The following GPC5 variants were observed in gnomAD, a reference collection of about 807,000 sequenced individuals.
The protein encoded by GPC5 is glypican 5.
GPC5 carries 47 observed loss-of-function variants against 53.9 expected under a neutral mutation model. The ratio of observed to expected loss-of-function variants is 0.87; its 90% CI spans 0.69 to 1.11. GPC5 has a LOEUF of 1.11. Ranked by LOEUF, GPC5 falls within the 50% of genes most tolerant of loss-of-function variation. The pLI, the probability that GPC5 is intolerant of heterozygous loss-of-function variation, is 0.00. For synonymous variants in GPC5, 286 were observed against 263.3 expected, an observed-to-expected ratio of 1.09 and a Z score of -0.84; for missense variants, 748 against 713.1, an observed-to-expected ratio of 1.05 and a Z score of -0.56.
At chr13:91,727,887 A>C (rs2036609003) in intron 3 of GPC5, among the ~76,000 whole-genome samples, 1 of 152,190 alleles carries the variant, frequency 6.6e-6, no homozygotes, top group African/African-American at 2.4e-5. Context: ...AATGATAATT[A>C]TGTAAATTAT....
chr13:92,098,308 G>T (rs2041437602), intron 6 of GPC5, among the ~76,000 whole-genome samples: 1 of 152,026 alleles, frequency 6.6e-6, no homozygotes, highest in East Asian at 1.9e-4. Context: ...ATGGCCTTCA[G>T]CTCCTTCCAT....
At chr13:91,617,242 C>G (rs2033721134) in intron 2 of GPC5, among the ~76,000 whole-genome samples, 2 of 152,044 alleles carry the variant, frequency 1.3e-5, no homozygotes, top group African/African-American at 4.8e-5. Context: ...CTCAATGTGG[C>G]TATGTATGAG....
chr13:91,964,228 G>C (rs1002851802), intron 6 of GPC5, among the ~76,000 whole-genome samples: 1 of 152,182 alleles, frequency 6.6e-6, no homozygotes, highest in African/African-American at 2.4e-5. Context: ...CCCAAAGAGT[G>C]AGCAGCAGCA....
chr13:91,766,958 C>A (rs1419274589), intron 5 of GPC5, among the ~76,000 whole-genome samples: 1 of 152,164 alleles, frequency 6.6e-6, no homozygotes, highest in Non-Finnish European at 1.5e-5. Flanking sequence ...ATAACATAGT[C>A]AATAACTGTT....
intron 7 of GPC5, among the ~76,000 whole-genome samples, chr13:92,319,757 CAT>C (rs1278229005): frequency 6.6e-6 from 1 of 152,136 alleles, no homozygotes; most frequent in African/African-American, 2.4e-5. Flanking sequence ...ATGTATCACA[CAT>C]GTTATACGTA....
At chr13:92,054,220 A>G (rs1385395755) in intron 6 of GPC5, among the ~76,000 whole-genome samples, 1 of 149,464 alleles carries the variant, frequency 6.7e-6, no homozygotes, top group Non-Finnish European at 1.5e-5. Context: ...GACTTTGTTT[A>G]TTAAGCACAC....
chr13:91,454,921 C>T (rs1225522105), intron 2 of GPC5, among the ~76,000 whole-genome samples: 1 of 152,006 alleles, frequency 6.6e-6, no homozygotes, highest in East Asian at 1.9e-4. Context: ...TTCATTTAAT[C>T]TTATGCAGAG....
chr13:92,219,977 T>C (rs1368808952), intron 7 of GPC5, among the ~76,000 whole-genome samples: 1 of 152,170 alleles, frequency 6.6e-6, no homozygotes, highest in Non-Finnish European at 1.5e-5. Context: ...CTTCATTCTT[T>C]CCTTGCTTTG....
At chr13:92,297,053 G>T (rs950842885) in intron 7 of GPC5, among the ~76,000 whole-genome samples, 5 of 152,246 alleles carry the variant, frequency 3.3e-5, no homozygotes, top group Non-Finnish European at 5.9e-5. Context: ...GAATGCAAGC[G>T]CATGGCGCAG....
chr13:91,955,136 T>C (rs2040061351), intron 6 of GPC5, among the ~76,000 whole-genome samples: 1 of 152,190 alleles, frequency 6.6e-6, no homozygotes, highest in Non-Finnish European at 1.5e-5. Context: ...CTCAATATTG[T>C]AATATTGTTT....
intron 7 of GPC5, among the ~76,000 whole-genome samples, chr13:92,658,650 A>G (rs939652208): frequency 5.3e-5 from 8 of 152,212 alleles, no homozygotes; most frequent in East Asian, 1.9e-4. Context: ...TGTGGAACAC[A>G]TTGTCAGACA....
At chr13:91,888,029 G>A (rs549191754) in intron 5 of GPC5, among the ~76,000 whole-genome samples, 285 of 152,208 alleles carry the variant, frequency 1.9e-3, no homozygotes, top group African/African-American at 6.1e-3. Context: ...TACTGTCTTC[G>A]TGCATTTTTG....
intron 7 of GPC5, among the ~76,000 whole-genome samples, chr13:92,381,976 ATCT>A (rs2043751828): frequency 7.3e-6 from 1 of 137,316 alleles, no homozygotes; most frequent in African/African-American, 2.6e-5. Context: ...CTATCTATCT[ATCT>A]ATCTATCTAT....
rs73600280 is a variant in GPC5, at chr13:91,461,063, A to C, written c.325+12141A>C. On this transcript the variant is annotated intron_variant, in intron 2 of 7. Coordinates refer to ENST00000377067, the MANE Select transcript of GPC5 (RefSeq NM_004466.6). ...CTTGAAATGGCATCTCAAGACCCAG[A>C]GAGTGAGAACAGTAAATAAAGGGTA... Among the ~76,000 whole-genome samples the C allele has an allele frequency of 8.5e-3, 1,297 of 152,296 alleles. 20 individuals carry two copies. The highest frequency in any genetic ancestry group is 0.028 in the African/African-American group (1,169 of 41,568).
At chr13:92,790,588 T>C (rs1413776821) in intron 7 of GPC5, among the ~76,000 whole-genome samples, 3 of 152,086 alleles carry the variant, frequency 2.0e-5, no homozygotes, top group Non-Finnish European at 4.4e-5. Context: ...AGGACATACC[T>C]CTCTATCCAG....
chr13:92,008,163 C>T (rs958179358), intron 6 of GPC5, among the ~76,000 whole-genome samples: 2 of 150,760 alleles, frequency 1.3e-5, no homozygotes, highest in Non-Finnish European at 2.9e-5. Context: ...CCCGGGTTCA[C>T]GCCATTCTCC....
intron 2 of GPC5, among the ~76,000 whole-genome samples, chr13:91,659,257 G>T (rs1010249246): frequency 2.6e-5 from 4 of 152,150 alleles, no homozygotes; most frequent in African/African-American, 9.7e-5. Flanking sequence ...AATGAGTATA[G>T]TGTCAGGTGC....
At chr13:91,922,673 TA>T (rs558543041) in intron 6 of GPC5, among the ~76,000 whole-genome samples, 10 of 151,964 alleles carry the variant, frequency 6.6e-5, no homozygotes, top group Non-Finnish European at 1.0e-4. Context: ...TCTCTAGAGA[TA>T]AAAAAAACAA....
intron 7 of GPC5, among the ~76,000 whole-genome samples, chr13:92,852,094 G>A (rs1188011313): frequency 1.3e-5 from 2 of 152,084 alleles, no homozygotes; most frequent in African/African-American, 4.8e-5. Context: ...AGGCATCAGG[G>A]CACTCAACCT....
Sources: allele counts gnomAD v4.1 joint callset (sites outside exome capture counted in the v4.1 genomes callset), GRCh38; gene constraint gnomAD v4.1.1; transcripts MANE v1.5; gene names NCBI Gene and HGNC (gene_info 2026-07-23, HGNC 2026-07-21).